The following MDFIC variants were observed in gnomAD, a reference collection of about 807,000 sequenced individuals.
MDFIC encodes the protein MyoD family inhibitor domain containing.
MDFIC carries 17 observed loss-of-function variants against 23.2 expected under a neutral mutation model. The observed-to-expected ratio is 0.73, with a 90% CI of 0.50 to 1.10. The LOEUF is 1.10. Ranked by LOEUF, MDFIC falls within the 50% of genes least tolerant of loss-of-function variation. The pLI, the probability that MDFIC is intolerant of heterozygous loss-of-function variation, is 0.00. For missense variants in MDFIC, 356 were observed against 316.6 expected (o/e 1.12, Z -0.95); for synonymous variants, 120 against 115.2 (o/e 1.04, Z -0.27).
intron 2 of MDFIC, among the ~76,000 whole-genome samples, chr7:114,937,768 C>G (rs899784027): frequency 6.6e-6 from 1 of 152,138 alleles, no homozygotes; most frequent in African/African-American, 2.4e-5. Flanking sequence ...TTCCTCACTT[C>G]TTTGTCCAGA....
At chr7:114,999,018 T>G (rs372538000) in intron 4 of MDFIC, among the ~76,000 whole-genome samples, 2 of 152,090 alleles carry the variant, frequency 1.3e-5, no homozygotes, top group Admixed American at 6.6e-5. Context: ...CTTCCATATC[T>G]CTGTCTGACT....
intron 3 of MDFIC, among the ~76,000 whole-genome samples, chr7:114,966,314 G>A (rs1342492514): frequency 6.6e-6 from 1 of 151,086 alleles, no homozygotes; most frequent in Non-Finnish European, 1.5e-5. Context: ...GGGCTTGGCT[G>A]TGCTGAAATT....
At chr7:114,928,358 G>C (rs1792237461) in intron 2 of MDFIC, among the ~76,000 whole-genome samples, 1 of 152,130 alleles carries the variant, frequency 6.6e-6, no homozygotes, top group Non-Finnish European at 1.5e-5. Context: ...CCTGTGGCTG[G>C]CATGTTAAGG....
At position 114,923,090 on chromosome 7, in the gene MDFIC, C is replaced by G; in HGVS notation, c.57C>G (p.Ala19=). 6.9e-7 allele frequency: 1 copy of G among 1,442,542 alleles called. No homozygotes were observed. The highest frequency in any genetic ancestry group is 9.1e-7 in the Non-Finnish European group (1 of 1,099,312). The allele number at this position is 1,442,542 out of a possible 1,614,324, so 89.4% of individuals were successfully genotyped here. ...GGCCCGTGGGGCCGCAGCGCGTGGCCGAGGCGGGCGGCGGCCAGCTGGGCT... is the reference window on the plus strand; with the variant it reads ...GGCCCGTGGGGCCGCAGCGCGTGGCGGAGGCGGGCGGCGGCCAGCTGGGCT... ...APGPVGPQRV[A]EAGGGQLGST... Residue 19 remains alanine (A), a synonymous_variant, in exon 2 of 5, where the codon GCC becomes GCG. Transcript: ENST00000393486.
intron 4 of MDFIC, among the ~76,000 whole-genome samples, chr7:114,990,714 T>G (rs1269307115): frequency 6.6e-6 from 1 of 152,244 alleles, no homozygotes; most frequent in Non-Finnish European, 1.5e-5. Context: ...TTCCATGGTG[T>G]ATATGTGCCA....
intron 4 of MDFIC, among the ~76,000 whole-genome samples, chr7:115,006,738 C>T (rs1585122600): frequency 2.0e-5 from 3 of 152,090 alleles, no homozygotes; most frequent in Admixed American, 1.3e-4. Flanking sequence ...TTGTCCTAGC[C>T]ATAAATGGTA....
chr7:114,923,330 C>A, intron 2 of MDFIC: 1 of 1,170,132 alleles, frequency 8.5e-7, no homozygotes, highest in Non-Finnish European at 1.2e-6. Context: ...AGGGCGGGAA[C>A]CGTTGGTCCC....
rs1315665751 is a variant in MDFIC, at chr7:115,016,064, A to G, written c.*129A>G. 1.1e-6 allele frequency: 1 copy of G among 937,280 alleles called. No individual in the cohort carries two copies. The highest frequency in any genetic ancestry group is 2.5e-5 in the East Asian group (1 of 39,852). The allele number at this position is 937,280 out of a possible 1,614,324, so 58.1% of individuals were successfully genotyped here. ...GCACTGTTAACTCATTATTGTAAGT[A>G]ATCTCTGAAAGCCTTTTTACTTTAA... On this transcript the variant is annotated 3_prime_UTR_variant, in exon 5 of 5. Coordinates refer to ENST00000393486, the MANE Select transcript of MDFIC (RefSeq NM_001166345.3).
chr7:114,961,201 C>G (rs993287775), intron 3 of MDFIC, among the ~76,000 whole-genome samples: 48 of 152,174 alleles, frequency 3.2e-4, no homozygotes, highest in African/African-American at 1.1e-3. Flanking sequence ...CCTTTCCCCC[C>G]ACAACACATG....
At chr7:114,961,230 C>T (rs1441988075) in intron 3 of MDFIC, among the ~76,000 whole-genome samples, 3 of 152,190 alleles carry the variant, frequency 2.0e-5, no homozygotes, top group Non-Finnish European at 4.4e-5. Flanking sequence ...TAACCTCTTT[C>T]TCTCTTGATC....
intron 2 of MDFIC, chr7:114,923,484 C>G (rs139790140): frequency 1.5e-5 from 23 of 1,537,684 alleles, no homozygotes; most frequent in Non-Finnish European, 2.0e-5. Flanking sequence ...CCAGGACTGC[C>G]GCAGCTCTCT....
intron 4 of MDFIC, among the ~76,000 whole-genome samples, chr7:114,986,671 G>A (rs1330410624): frequency 6.6e-6 from 1 of 152,092 alleles, no homozygotes; most frequent in Non-Finnish European, 1.5e-5. Flanking sequence ...CCTCAGCCTG[G>A]TATGTTCTCA....
intron 2 of MDFIC, among the ~76,000 whole-genome samples, chr7:114,939,788 C>A (rs531325184): frequency 3.9e-5 from 6 of 152,180 alleles, no homozygotes; most frequent in Admixed American, 3.3e-4. Context: ...CTTGGTTTCA[C>A]GAATTAATTT....
chr7:114,993,198 T>G (rs895493237), intron 4 of MDFIC, among the ~76,000 whole-genome samples: 3 of 152,204 alleles, frequency 2.0e-5, no homozygotes, highest in African/African-American at 7.2e-5. Flanking sequence ...AGTGGTGATA[T>G]CCCCTTTATC....
At position 114,995,425 on chromosome 7, in the gene MDFIC, G is replaced by T. The variant is rs113896467; in HGVS notation, c.493+15644G>T. ...TCCTTTGGAGGGGGATAGGCACTCTGATTTTTAGAATTTTGTTTTTCTGCT... is the reference window on the plus strand; with the variant it reads ...TCCTTTGGAGGGGGATAGGCACTCTTATTTTTAGAATTTTGTTTTTCTGCT... On this transcript the variant is annotated intron_variant, in intron 4 of 4. Transcript: ENST00000393486. Among the ~76,000 whole-genome samples, 653 of 152,264 alleles carry T rather than the reference G, an allele frequency of 4.3e-3. 3 individuals are homozygous for T. The highest frequency in any genetic ancestry group is 0.013 in the African/African-American group (547 of 41,552).
intron 4 of MDFIC, among the ~76,000 whole-genome samples, chr7:115,010,526 T>C (rs1791661267): frequency 6.6e-6 from 1 of 152,218 alleles, no homozygotes; most frequent in Admixed American, 6.5e-5. Flanking sequence ...TGAATGTGTT[T>C]CTGGTAGATA....
chr7:114,988,830 A>G (rs1440569509), intron 4 of MDFIC, among the ~76,000 whole-genome samples: 1 of 152,206 alleles, frequency 6.6e-6, no homozygotes, highest in Non-Finnish European at 1.5e-5. Flanking sequence ...ATACTTATTC[A>G]TATTTGTTCT....
intron 2 of MDFIC, among the ~76,000 whole-genome samples, chr7:114,932,722 T>G (rs1792338261): frequency 6.6e-6 from 1 of 152,204 alleles, no homozygotes; most frequent in Non-Finnish European, 1.5e-5. Flanking sequence ...AACTCATTGC[T>G]CTACAGCAAG....
intron 2 of MDFIC, among the ~76,000 whole-genome samples, chr7:114,940,446 C>T (rs1490543885): frequency 6.6e-6 from 1 of 152,224 alleles, no homozygotes; most frequent in Non-Finnish European, 1.5e-5. Flanking sequence ...TCTTTCCTTT[C>T]TTTGCTTCCA....
Sources: allele counts gnomAD v4.1 joint callset (sites outside exome capture counted in the v4.1 genomes callset), GRCh38; gene constraint gnomAD v4.1.1; transcripts MANE v1.5; gene names NCBI Gene and HGNC (gene_info 2026-07-23, HGNC 2026-07-21).